Variants in ABCB11 observed in about 807,000 individuals in gnomAD.
The protein encoded by ABCB11 is ATP binding cassette subfamily B member 11.
A neutral mutation model predicts 148.0 loss-of-function variants in ABCB11; 95 were observed. The ratio of observed to expected loss-of-function variants is 0.64; its 90% CI spans 0.54 to 0.76. The LOEUF is 0.76. Among genes scored for constraint, ABCB11 ranks in the 30% least tolerant of loss-of-function variants. ABCB11 has a pLI of 0.00. For missense variants in ABCB11, 1,523 were observed against 1,617.8 expected (o/e 0.94, Z 1.01); for synonymous variants, 591 against 555.4 (o/e 1.06, Z -0.90).
intron 9 of ABCB11, among the ~76,000 whole-genome samples, chr2:168,988,058 GTTA>G (rs1694385660): frequency 6.6e-6 from 1 of 152,048 alleles, no homozygotes; most frequent in East Asian, 1.9e-4. Context: ...GCAATGTGAT[GTTA>G]TTAACCATAG....
chr2:168,955,617 G>A (rs1692754833), intron 19 of ABCB11, among the ~76,000 whole-genome samples: 1 of 151,490 alleles, frequency 6.6e-6, no homozygotes, highest in South Asian at 2.1e-4. Flanking sequence ...GGGACACAGA[G>A]CCAAACCATA....
chr2:168,926,685 G>A (rs1049094819), intron 26 of ABCB11, among the ~76,000 whole-genome samples: 3 of 152,218 alleles, frequency 2.0e-5, no homozygotes, highest in Admixed American at 6.5e-5. Context: ...CAGGGGCACT[G>A]TGAAATAAAT....
Position 168,924,731 on chromosome 2 carries a change from G to A in ABCB11, c.3691C>T (p.Arg1231Trp), listed in dbSNP as rs766285158. 10 of 1,613,690 alleles carry A rather than the reference G, an allele frequency of 6.2e-6. No homozygotes were observed. Among genetic ancestry groups the A allele is most frequent in the Admixed American group, 1.7e-5 (1 of 59,982 alleles). The part of the protein sequence containing the change: ...RGEKQRIAIA[R>W]AIVRDPKILL... ...ATTTTAGGATCTCGTACAATGGCCC[G>A]AGCAATAGCAATGCGTTGTTTCTCC... Residue 1231 changes from arginine to tryptophan, a missense_variant, in exon 27 of 28, where the codon CGG (arginine) becomes TGG (tryptophan). Physicochemically the swap from Arg to Trp is moderately radical, Grantham distance 101. Transcript: ENST00000650372.
intron 26 of ABCB11, 109 bp downstream of exon 26, chr2:168,927,047 T>G: frequency 3.5e-6 from 4 of 1,138,128 alleles, no homozygotes; most frequent in South Asian, 1.6e-5. Context: ...TTTTGGAACA[T>G]TTTGGATTTG....
At chr2:168,973,652 C>G in intron 13 of ABCB11, 63 bp downstream of exon 13, 1 of 1,575,846 alleles carries the variant, frequency 6.3e-7, no homozygotes, top group Non-Finnish European at 8.7e-7. Flanking sequence ...TCTGTTTGAT[C>G]AATATACTGC....
chr2:169,001,542 G>T (rs551317728), intron 5 of ABCB11, among the ~76,000 whole-genome samples: 17 of 152,222 alleles, frequency 1.1e-4, no homozygotes, highest in Admixed American at 1.1e-3. Flanking sequence ...CACCATGGGG[G>T]TGAGTGAGGG....
In ABCB11 at chr2:168,970,093, T is replaced by G; in HGVS notation, c.1761A>C (p.Ser587=). ...PKILLLDMAT[S]ALDNESEAMV... ...TGGCTTCACTCTCATTGTCCAGAGC[T>G]GAGGTGGCCATGTCCAAAAGCAGAA... Residue 587 remains serine (S), a synonymous_variant, in exon 15 of 28, where the codon TCA becomes TCC. Coordinates refer to ENST00000650372, the MANE Select transcript of ABCB11 (RefSeq NM_003742.4). 1 of 1,612,988 alleles carries G rather than the reference T, an allele frequency of 6.2e-7. No individual in the cohort carries two copies. The highest frequency in any genetic ancestry group is 8.5e-7 in the Non-Finnish European group (1 of 1,179,282).
In ABCB11 at chr2:168,921,846, CTTTTCT is replaced by C. The variant is rs1336686378; in HGVS notation, c.*1770_*1775del. 0.03 allele frequency among the ~76,000 whole-genome samples: 2,815 copies of C among 95,058 alleles called. 94 individuals are homozygous for C. Among genetic ancestry groups the C allele is most frequent in the African/African-American group, 0.088 (2,563 of 29,278 alleles). The allele number at this position is 95,058 out of a possible 152,430, so 62.4% of individuals were successfully genotyped here. A position where few individuals can be genotyped will look rare whatever the true frequency, so the allele number is the denominator to read the frequency against. On this transcript the variant is annotated 3_prime_UTR_variant, in exon 28 of 28. Transcript: ENST00000650372. ...ATTCCAAGGACGGAGTCCTTGACCTCTTTTCTTTTTCTTTTTCTTTTTTTTTTTTTT... is the reference window on the plus strand; with the variant it reads ...ATTCCAAGGACGGAGTCCTTGACCTCTTTTCTTTTTCTTTTTTTTTTTTTT...
chr2:168,977,704 G>C (rs1283703865), intron 11 of ABCB11, among the ~76,000 whole-genome samples: 1 of 152,148 alleles, frequency 6.6e-6, no homozygotes, highest in Non-Finnish European at 1.5e-5. Flanking sequence ...GGAGGCCTCA[G>C]GAAACTTACA....
intron 27 of ABCB11, 116 bp downstream of exon 27, chr2:168,924,541 C>T (rs1691220478): frequency 2.0e-6 from 2 of 999,414 alleles, no homozygotes; most frequent in East Asian, 2.5e-5. Flanking sequence ...AAAGTATTGC[C>T]AATTTCTACT....
In ABCB11 at chr2:168,922,367, C is replaced by A. The variant is rs1371224265; in HGVS notation, c.*1255G>T. ...GGGAGTATGCAGTTTCTCGCTGGAA[C>A]TGGGGAAAGGCAGCCATCCTGCTGC... On this transcript the variant is annotated 3_prime_UTR_variant, in exon 28 of 28. Transcript: ENST00000650372. Among the ~76,000 whole-genome samples, 1 of 152,180 alleles carries A rather than the reference C, an allele frequency of 6.6e-6. No homozygotes were observed. Among genetic ancestry groups the A allele is most frequent in the Non-Finnish European group, 1.5e-5 (1 of 68,032 alleles).
chr2:169,005,622 A>T (rs1438264341), intron 5 of ABCB11, among the ~76,000 whole-genome samples: 1 of 152,132 alleles, frequency 6.6e-6, no homozygotes, highest in Non-Finnish European at 1.5e-5. Context: ...GCCCCAGACC[A>T]CAAGCCTCCC....
intron 5 of ABCB11, among the ~76,000 whole-genome samples, chr2:168,998,953 G>A (rs1694796262): frequency 2.6e-5 from 4 of 152,082 alleles, no homozygotes; most frequent in Admixed American, 2.6e-4. Flanking sequence ...TGACAGGAAG[G>A]AAAAGAGCAG....
intron 4 of ABCB11, among the ~76,000 whole-genome samples, chr2:169,013,838 C>A (rs1038410205): frequency 6.6e-6 from 1 of 152,076 alleles, no homozygotes; most frequent in Non-Finnish European, 1.5e-5. Context: ...GTCATTGATG[C>A]CATTGCCAAG....
At position 169,017,156 on chromosome 2, in the gene ABCB11, T is replaced by C. The variant is rs139072169; in HGVS notation, c.77-357A>G. ...TTTTTGAACTACAAAATAAAATTGA[T>C]ATTTATTTATTGTCTGGTTCTTTAA... On this transcript the variant is annotated intron_variant, in intron 2 of 27. Coordinates refer to ENST00000650372, the MANE Select transcript of ABCB11 (RefSeq NM_003742.4). 5.4e-3 allele frequency among the ~76,000 whole-genome samples: 829 copies of C among 152,314 alleles called. 3 individuals are homozygous for C. The highest frequency in any genetic ancestry group is 0.018 in the African/African-American group (732 of 41,584).
rs1027169476 is a variant in ABCB11 at position 168,958,119 on chromosome 2, T to G, written c.2188A>C (p.Ile730Leu). The change falls in exon 19 of 28, where the codon ATT (isoleucine) becomes CTT (leucine). Residue 730 changes from isoleucine to leucine, a missense_variant. Coordinates refer to ENST00000650372, the MANE Select transcript of ABCB11 (RefSeq NM_003742.4). ...TYEEDRKDKD[I>L]PVQEEVEPAP... ...GGTTCAACTTCTTCCTGCACAGGAA[T>G]GTCCTTGTCCTTGAGCAGAGAGAGG... 3.7e-6 allele frequency: 6 copies of G among 1,610,652 alleles called. No homozygotes were observed. In the African/African-American group the frequency reaches 8.0e-5, roughly 22 times the overall value.
At position 168,986,192 on chromosome 2, in the gene ABCB11, AAGATGAGAC is replaced by A. The variant is rs1694315204; in HGVS notation, c.992_1000del (p.Cys331_Ile333del). 1 of 1,613,236 alleles carries A rather than the reference AAGATGAGAC, an allele frequency of 6.2e-7. No homozygotes were observed. Among genetic ancestry groups the A allele is most frequent in the Non-Finnish European group, 8.5e-7 (1 of 1,179,604 alleles). On this transcript the variant is annotated inframe_deletion, in exon 10 of 28. Coordinates refer to ENST00000650372, the MANE Select transcript of ABCB11 (RefSeq NM_003742.4). ...CCAGAAGGCCAGTGCATAACACAAAAAGATGAGACACCACACGAATCCAGTAAAGAATCC... is the reference window on the plus strand; with the variant it reads ...CCAGAAGGCCAGTGCATAACACAAAAACCACACGAATCCAGTAAAGAATCC...
rs145694348 is a variant in ABCB11, at chr2:169,027,298, A to C, written c.-28+3927T>G. The stretch of plus-strand genomic sequence containing the variant: ...AAGCACTAGTTGGCAGACTTTGGAC[A>C]CCTAATCATAGAATCCCCCAAGAAT... On this transcript the variant is annotated intron_variant, in intron 1 of 27. Coordinates refer to ENST00000650372, the MANE Select transcript of ABCB11 (RefSeq NM_003742.4). 1.9e-4 allele frequency among the ~76,000 whole-genome samples: 29 copies of C among 152,316 alleles called. No individual in the cohort carries two copies. In the East Asian group the frequency reaches 5.6e-3, roughly 29 times the overall value.
In ABCB11 at chr2:168,976,559, G is replaced by A. The variant is rs370933364; in HGVS notation, c.1308+18C>T. The A allele has an allele frequency of 2.9e-6, 4 of 1,377,766 alleles. No individual in the cohort carries two copies. The highest frequency in any genetic ancestry group is 2.0e-6 in the Non-Finnish European group (2 of 992,730). 85.3% of individuals were successfully genotyped at this position (1,377,766 alleles called of 1,614,324 possible). A position where few individuals can be genotyped will look rare whatever the true frequency, so the allele number is the denominator to read the frequency against. On this transcript the variant is annotated intron_variant, in intron 12 of 27. Transcript: ENST00000650372. The stretch of plus-strand genomic sequence containing the variant: ...AGAAGAAAACATTTACTATTCTGGG[G>A]AACAGACCAGCACTCACCTTCACCT...
Sources: gnomAD v4.1 joint callset for allele counts (sites outside exome capture counted in the v4.1 genomes callset) on GRCh38, gnomAD v4.1.1 for gene constraint, MANE v1.5 for transcripts, NCBI Gene and HGNC (gene_info 2026-07-23, HGNC 2026-07-21) for gene names.